Variants in PLCG2 observed in about 807,000 individuals in gnomAD.
PLCG2 encodes the protein 1-phosphatidylinositol 4,5-bisphosphate phosphodiesterase gamma-2.
A neutral mutation model predicts 175.6 loss-of-function variants in PLCG2; 69 were observed. That is an observed-to-expected ratio of 0.39 (90% CI 0.32 to 0.48). PLCG2 has a LOEUF of 0.48. PLCG2 is among the 20% of genes least tolerant of loss of function. The pLI is 0.91. For synonymous variants in PLCG2, 827 were observed against 624.0 expected (o/e 1.33, Z -4.85); for missense variants, 1,798 against 1,650.9 (o/e 1.09, Z -1.54).
chr16:81,847,064 A>G (rs934629984), intron 2 of PLCG2, among the ~76,000 whole-genome samples: 4 of 152,216 alleles, frequency 2.6e-5, no homozygotes, highest in African/African-American at 9.6e-5. Flanking sequence ...CACAAGCCCA[A>G]GTTGTGGCCT....
chr16:81,866,059 C>T (rs1907217483), intron 5 of PLCG2, among the ~76,000 whole-genome samples: 1 of 133,930 alleles, frequency 7.5e-6, no homozygotes, highest in Admixed American at 7.3e-5. Context: ...GGACGCTGGC[C>T]TCTCCCTTGC....
chr16:81,843,453 C>G (rs1021527341), intron 2 of PLCG2, among the ~76,000 whole-genome samples: 2 of 152,168 alleles, frequency 1.3e-5, no homozygotes, highest in African/African-American at 4.8e-5. Flanking sequence ...TCATATTACA[C>G]AGAGACAAGC....
intron 5 of PLCG2, among the ~76,000 whole-genome samples, chr16:81,863,678 C>T (rs1907092113): frequency 6.6e-6 from 1 of 152,220 alleles, no homozygotes; most frequent in South Asian, 2.1e-4. Context: ...TACACCTTCC[C>T]AAGGCAGTGC....
intron 7 of PLCG2, among the ~76,000 whole-genome samples, chr16:81,871,369 C>T (rs924681731): frequency 3.9e-5 from 6 of 152,184 alleles, no homozygotes; most frequent in African/African-American, 1.4e-4. Flanking sequence ...GATAGAGTCT[C>T]ACTCTGTTGC....
chr16:81,743,288 C>T (rs1181171776), intron 1 of PLCG2, among the ~76,000 whole-genome samples: 1 of 152,214 alleles, frequency 6.6e-6, no homozygotes, highest in Non-Finnish European at 1.5e-5. Context: ...GAGGTTGAGG[C>T]TGCAGTGAGC....
At position 81,808,401 on chromosome 16, in the gene PLCG2, C is replaced by G. The variant is rs150018426; in HGVS notation, c.193+22219C>G. 6.9e-3 allele frequency among the ~76,000 whole-genome samples: 1,055 copies of G among 152,300 alleles called. 10 individuals carry two copies. The highest frequency in any genetic ancestry group is 0.024 in the African/African-American group (987 of 41,564). On this transcript the variant is annotated intron_variant, in intron 2 of 32. Transcript: ENST00000564138. ...AGAGAGGGAGGAGGGTCCTGAGAGA[C>G]TGTACTGGAGAGGCTGTGTGGCCCC...
chr16:81,961,662 T>G lies in PLCG2; in HGVS notation c.*3664T>G, dbSNP rs548227560. ...AAAATTGCCTTGTTCCAGGTAAGAC[T>G]GATCATAAAAAAATGGCCCTGTTCA... is the stretch of plus-strand genomic sequence containing the variant. On this transcript the variant is annotated 3_prime_UTR_variant, in exon 33 of 33. Transcript: ENST00000564138. The G allele has an allele frequency of 2.0e-4, 42 of 213,734 alleles. 1 individual carries two copies. The South Asian group carries it at 7.1e-3, about 36-fold the overall frequency. 13.2% of individuals were successfully genotyped at this position (213,734 alleles called of 1,614,324 possible).
At chr16:81,747,735 A>G (rs1909732517) in intron 1 of PLCG2, among the ~76,000 whole-genome samples, 1 of 152,162 alleles carries the variant, frequency 6.6e-6, no homozygotes, top group Admixed American at 6.6e-5. Flanking sequence ...TAAATCTATT[A>G]TGAGGAAAGA....
upstream of PLCG2, among the ~76,000 whole-genome samples, chr16:81,774,584 C>T (rs907376238): frequency 6.6e-6 from 1 of 151,964 alleles, no homozygotes; most frequent in Non-Finnish European, 1.5e-5. Flanking sequence ...GACTCAAGGG[C>T]TCCAGGGGGT....
chr16:81,808,127 G>A (rs1377416344), intron 2 of PLCG2, among the ~76,000 whole-genome samples: 1 of 151,258 alleles, frequency 6.6e-6, no homozygotes, highest in Non-Finnish European at 1.5e-5. Flanking sequence ...TTGTGTAGAT[G>A]TGTTTTCCTT....
intron 12 of PLCG2, among the ~76,000 whole-genome samples, chr16:81,894,001 T>C (rs1262392076): frequency 1.3e-5 from 2 of 150,546 alleles, no homozygotes; most frequent in African/African-American, 4.9e-5. Context: ...CTGTCATCTG[T>C]ATCTCCTCAG....
intron 11 of PLCG2, among the ~76,000 whole-genome samples, chr16:81,893,370 A>G (rs559242235): frequency 6.6e-6 from 1 of 152,284 alleles, no homozygotes; most frequent in African/African-American, 2.4e-5. Context: ...GAGAGCGGCC[A>G]TGGGGCCTTG....
chr16:81,912,838 G>A (rs1211454001), intron 19 of PLCG2, 122 bp downstream of exon 19: 5 of 1,231,006 alleles, frequency 4.1e-6, no homozygotes, highest in South Asian at 1.6e-5. Context: ...CAGCATCAGC[G>A]ACAACAACAA....
At chr16:81,908,700 A>G (rs953750550) in intron 17 of PLCG2, 109 bp downstream of exon 17, 2 of 921,684 alleles carry the variant, frequency 2.2e-6, no homozygotes, top group South Asian at 1.8e-5. Flanking sequence ...TGGGACCTGA[A>G]TCCCAGGCTT....
Position 81,883,348 on chromosome 16 carries a change from G to A in PLCG2, c.765+7G>A. On this transcript the variant is annotated splice_region_variant and intron_variant, in intron 9 of 32. Transcript: ENST00000564138. ...TCTCATACATGAACAGCAGGTGAGA[G>A]CACAAGGTGTGTGGGTGCCTGAGGG... is the stretch of plus-strand genomic sequence containing the variant. The A allele has an allele frequency of 1.2e-6, 2 of 1,612,314 alleles. No individual in the cohort carries two copies. The highest frequency in any genetic ancestry group is 1.7e-6 in the Non-Finnish European group (2 of 1,178,546).
rs558690005 is a variant in PLCG2, at chr16:81,928,681, C to G, written c.2581+57C>G. 32 of 1,147,858 alleles carry G rather than the reference C, an allele frequency of 2.8e-5. No homozygotes were observed. In the African/African-American group the frequency reaches 3.6e-4, roughly 13 times the overall value. 71.1% of individuals were successfully genotyped at this position (1,147,858 alleles called of 1,614,324 possible). On this transcript the variant is annotated intron_variant, in intron 24 of 32. Transcript: ENST00000564138. ...CCACCCCTATCCCCCATGGGCTGAC[C>G]TCAGCCCCGCCCTACACAGGGAGGT...
Position 81,810,861 on chromosome 16 carries a change from A to G in PLCG2, c.193+24679A>G, listed in dbSNP as rs1039282038. 5.3e-5 allele frequency among the ~76,000 whole-genome samples: 8 copies of G among 152,296 alleles called. No homozygotes were observed. The East Asian group carries it at 1.3e-3, about 26-fold the overall frequency. ...AGTGGGAGAGGCAAGCACAACATTG[A>G]TCAAATAATTTTGTACATGACTATA... On this transcript the variant is annotated intron_variant, in intron 2 of 32. Coordinates refer to ENST00000564138, the MANE Select transcript of PLCG2 (RefSeq NM_002661.5).
intron 17 of PLCG2, among the ~76,000 whole-genome samples, chr16:81,909,281 T>G (rs1049881541): frequency 2.6e-5 from 4 of 152,012 alleles, no homozygotes. Flanking sequence ...CATCCCTCCC[T>G]TTATTGGGGG....
intron 2 of PLCG2, among the ~76,000 whole-genome samples, chr16:81,810,776 C>A (rs1904311294): frequency 6.6e-6 from 1 of 152,060 alleles, no homozygotes; most frequent in Admixed American, 6.6e-5. Flanking sequence ...CAGGGCAAAG[C>A]ACTGTATTGA....
Sources: gnomAD v4.1 joint callset for allele counts (sites outside exome capture counted in the v4.1 genomes callset) on GRCh38, gnomAD v4.1.1 for gene constraint, MANE v1.5 for transcripts, NCBI Gene and HGNC (gene_info 2026-07-23, HGNC 2026-07-21) for gene names.